The following TANC2 variants were observed in gnomAD, a reference collection of about 807,000 sequenced individuals.
TANC2 encodes the protein protein TANC2.
In TANC2, 26 loss-of-function variants were observed where a neutral mutation model predicts 210.5. The observed-to-expected ratio is 0.12, with a 90% CI of 0.09 to 0.17. The LOEUF is 0.17. TANC2 is among the 10% of genes least tolerant of loss of function. The pLI, the probability that TANC2 is intolerant of heterozygous loss-of-function variation, is 1.00. For synonymous variants in TANC2, 931 were observed against 967.1 expected (o/e 0.96, Z 0.69); for missense variants, 2,129 against 2,608.9 (o/e 0.82, Z 4.01).
chr17:63,154,653 T>C (rs1363870423), intron 5 of TANC2: 2 of 152,134 alleles, frequency 1.3e-5, no homozygotes, highest in Non-Finnish European at 2.9e-5. Context: ...AATGCTTGGC[T>C]CATAGTCAGT....
chr17:63,153,763 TC>T (rs770843285), intron 5 of TANC2: 3 of 152,178 alleles, frequency 2.0e-5, no homozygotes, highest in Non-Finnish European at 4.4e-5. Flanking sequence ...CAGTGTTGTT[TC>T]TGTGTTATCT....
chr17:63,088,836 C>T (rs1307854917), intron 3 of TANC2: 1 of 152,132 alleles, frequency 6.6e-6, no homozygotes, highest in Non-Finnish European at 1.5e-5. Context: ...TTGAATTCTC[C>T]CATGTCTCTG....
At chr17:63,118,420 ACT>A (rs1192728804) in intron 4 of TANC2, among the ~76,000 whole-genome samples, 2 of 151,794 alleles carry the variant, frequency 1.3e-5, no homozygotes, top group East Asian at 3.9e-4. Context: ...TTCTTAAAAG[ACT>A]CTTTGTTTTC....
intron 8 of TANC2, among the ~76,000 whole-genome samples, chr17:63,252,110 C>T (rs890133565): frequency 6.6e-6 from 1 of 152,118 alleles, no homozygotes; most frequent in African/African-American, 2.4e-5. Context: ...AAATGAATTA[C>T]ATGACTATTA....
chr17:63,308,524 A>G (rs1043641311), intron 9 of TANC2, among the ~76,000 whole-genome samples: 1 of 152,236 alleles, frequency 6.6e-6, no homozygotes, highest in African/African-American at 2.4e-5. Flanking sequence ...TCAGCCTGAC[A>G]TTCAGACTGT....
At chr17:63,326,182 G>T (rs1430540747) in intron 11 of TANC2, among the ~76,000 whole-genome samples, 1 of 152,200 alleles carries the variant, frequency 6.6e-6, no homozygotes, top group Non-Finnish European at 1.5e-5. Flanking sequence ...TTTCTAGTAT[G>T]TGAATAGACA....
At chr17:63,244,341 C>G (rs1289554661) in intron 8 of TANC2, among the ~76,000 whole-genome samples, 1 of 152,200 alleles carries the variant, frequency 6.6e-6, no homozygotes, top group East Asian at 1.9e-4. Context: ...CAGGATTGTA[C>G]TGGTAAAGCC....
intron 2 of TANC2, among the ~76,000 whole-genome samples, chr17:63,040,140 A>G (rs2035129176): frequency 6.6e-6 from 1 of 152,180 alleles, no homozygotes; most frequent in South Asian, 2.1e-4. Flanking sequence ...TTCATATTTT[A>G]TTGATGACTG....
At chr17:63,046,932 A>G (rs976910518) in intron 2 of TANC2, among the ~76,000 whole-genome samples, 25 of 152,194 alleles carry the variant, frequency 1.6e-4, no homozygotes, top group Non-Finnish European at 2.8e-4. Context: ...CAAAACAGAA[A>G]GAGGTTGTGT....
chr17:63,307,437 T>A (rs1598820627), intron 9 of TANC2, among the ~76,000 whole-genome samples: 1 of 152,234 alleles, frequency 6.6e-6, no homozygotes, highest in Non-Finnish European at 1.5e-5. Context: ...CTTCCCCCGA[T>A]GTAATCTAAA....
At chr17:63,277,924 C>A (rs2043934917) in intron 9 of TANC2, among the ~76,000 whole-genome samples, 1 of 152,066 alleles carries the variant, frequency 6.6e-6, no homozygotes, top group Admixed American at 6.6e-5. Flanking sequence ...GTATTCCCAT[C>A]ATTTTGGGAG....
intron 1 of TANC2, among the ~76,000 whole-genome samples, chr17:62,976,956 G>A (rs1261275367): frequency 6.6e-6 from 1 of 152,218 alleles, no homozygotes; most frequent in African/African-American, 2.4e-5. Flanking sequence ...AGAATGTGAG[G>A]TCCCGTTCCA....
At position 63,421,073 on chromosome 17, in the gene TANC2, T is replaced by A. The variant is rs747680287; in HGVS notation, c.5343T>A (p.Leu1781=). The A allele has an allele frequency of 6.2e-7, 1 of 1,613,930 alleles. No homozygotes were observed. The highest frequency in any genetic ancestry group is 8.5e-7 in the Non-Finnish European group (1 of 1,179,878). ...ATGGAGGATTGACCAAAGAGGATCT[T>A]CCACAGCGACCTTCCTCAGCATACC... The change falls in exon 28 of 28, where the codon CTT becomes CTA. Residue 1781 remains leucine (L), a synonymous_variant. Coordinates refer to ENST00000689528, the Ensembl canonical transcript of TANC2. The surrounding 1 kb of genome is among the most constrained non-coding windows in gnomAD (Gnocchi z 6.9).
chr17:63,334,269 T>A (rs1435401846), intron 11 of TANC2, among the ~76,000 whole-genome samples: 1 of 152,036 alleles, frequency 6.6e-6, no homozygotes, highest in Non-Finnish European at 1.5e-5. Context: ...ACAAAATAAG[T>A]CTAGAACATC....
At chr17:62,995,166 C>T (rs763948679) in intron 1 of TANC2, among the ~76,000 whole-genome samples, 7 of 152,034 alleles carry the variant, frequency 4.6e-5, no homozygotes, top group Non-Finnish European at 7.4e-5. Flanking sequence ...ATAATAAAGC[C>T]GTTCTTTTCA....
chr17:63,044,685 A>G (rs2035312154), intron 2 of TANC2, among the ~76,000 whole-genome samples: 1 of 152,122 alleles, frequency 6.6e-6, no homozygotes, highest in Non-Finnish European at 1.5e-5. Context: ...CACTTTACCA[A>G]TTTATATTCT....
chr17:63,176,352 T>A (rs1042872531), intron 5 of TANC2, among the ~76,000 whole-genome samples: 5 of 152,182 alleles, frequency 3.3e-5, no homozygotes, highest in Non-Finnish European at 5.9e-5. Context: ...ACTGCTCAGC[T>A]ATGAAAAGGA....
At chr17:63,325,484 A>AG (rs1472526954) in intron 11 of TANC2, among the ~76,000 whole-genome samples, 3 of 152,140 alleles carry the variant, frequency 2.0e-5, no homozygotes, top group Non-Finnish European at 4.4e-5. Flanking sequence ...AATTACCTTA[A>AG]GGTGCCCCAG....
chr17:63,097,729 T>A (rs776771126), intron 3 of TANC2, among the ~76,000 whole-genome samples: 11 of 152,208 alleles, frequency 7.2e-5, no homozygotes, highest in Non-Finnish European at 1.3e-4. Flanking sequence ...AAATATTTTC[T>A]CCCATTATGA....
Sources: gnomAD v4.1 joint callset for allele counts (sites outside exome capture counted in the v4.1 genomes callset) on GRCh38, gnomAD v4.1.1 for gene constraint, Gnocchi (gnomAD v3.1) non-coding constraint, MANE v1.5 for transcripts, NCBI Gene and HGNC (gene_info 2026-07-23, HGNC 2026-07-21) for gene names.